Variants in DDX10 observed in about 807,000 individuals in gnomAD.
DDX10 encodes the protein DEAD-box helicase 10.
A neutral mutation model predicts 104.3 loss-of-function variants in DDX10; 74 were observed. That is an observed-to-expected ratio of 0.71 (90% CI 0.59 to 0.86). The LOEUF is 0.86. DDX10 is among the 40% of genes least tolerant of loss of function. DDX10 has a pLI of 0.00. For synonymous variants in DDX10, 351 were observed against 353.4 expected (o/e 0.99, Z 0.08); for missense variants, 952 against 1,040.0 (o/e 0.92, Z 1.16).
intron 13 of DDX10, among the ~76,000 whole-genome samples, chr11:108,796,151 TTC>T (rs764438003): frequency 1.4e-4 from 22 of 152,134 alleles, no homozygotes; most frequent in Non-Finnish European, 2.8e-4. Context: ...TCCGTTGTGA[TTC>T]TCTCTCTCTC....
intron 16 of DDX10, among the ~76,000 whole-genome samples, chr11:108,855,561 G>C (rs191717763): frequency 6.6e-6 from 1 of 152,280 alleles, no homozygotes; most frequent in East Asian, 1.9e-4. Context: ...CCAGGTTCAA[G>C]CGATTCTCCT....
At chr11:108,929,185 A>G (rs534741876) in intron 17 of DDX10, among the ~76,000 whole-genome samples, 1 of 152,322 alleles carries the variant, frequency 6.6e-6, no homozygotes, top group African/African-American at 2.4e-5. Context: ...CCAGCCCCTC[A>G]TAGAGCGTAC....
rs139251778 is a variant in DDX10 at position 108,756,424 on chromosome 11, C to T, written c.1965+32962C>T. Among the ~76,000 whole-genome samples the T allele has an allele frequency of 2.0e-5, 3 of 152,152 alleles. No homozygotes were observed. The East Asian group carries it at 5.8e-4, about 29-fold the overall frequency. On this transcript the variant is annotated intron_variant, in intron 13 of 17. Coordinates refer to ENST00000322536, the MANE Select transcript of DDX10 (RefSeq NM_004398.4). ...TATAGTTGCCTAGAGAATAAGGCCACTGAATAGATCAGAGCTAAATTTAAA... is the reference window on the plus strand; with the variant it reads ...TATAGTTGCCTAGAGAATAAGGCCATTGAATAGATCAGAGCTAAATTTAAA...
At chr11:108,843,733 GC>G (rs1454902208) in intron 15 of DDX10, among the ~76,000 whole-genome samples, 6 of 149,890 alleles carry the variant, frequency 4.0e-5, no homozygotes, top group Admixed American at 4.0e-4. Flanking sequence ...TCCAGCCTGG[GC>G]AACAGGAGTG....
intron 17 of DDX10, among the ~76,000 whole-genome samples, chr11:108,939,781 G>T (rs1237377072): frequency 6.6e-6 from 1 of 152,146 alleles, no homozygotes; most frequent in African/African-American, 2.4e-5. Flanking sequence ...AACATCTCAG[G>T]TTCTATTTTA....
chr11:108,798,272 A>G (rs1861973374), intron 13 of DDX10, among the ~76,000 whole-genome samples: 1 of 152,096 alleles, frequency 6.6e-6, no homozygotes, highest in Non-Finnish European at 1.5e-5. Context: ...AATTTTTCTG[A>G]TCTTTTCTGT....
intron 13 of DDX10, among the ~76,000 whole-genome samples, chr11:108,837,617 T>TC (rs1862573994): frequency 9.1e-6 from 1 of 109,936 alleles, no homozygotes. Context: ...CTTTTTTTTT[T>TC]TTTTTTTTTT....
intron 13 of DDX10, among the ~76,000 whole-genome samples, chr11:108,769,482 A>G (rs1181697431): frequency 1.3e-5 from 2 of 151,720 alleles, no homozygotes; most frequent in African/African-American, 2.4e-5. Context: ...TGTGATGTTG[A>G]TTTATTCTCT....
chr11:108,688,878 G>T, intron 6 of DDX10, 58 bp from the exon 7 acceptor site: 6 of 1,562,442 alleles, frequency 3.8e-6, no homozygotes, highest in Admixed American at 1.8e-5. Context: ...TTTTTGGTCT[G>T]GATTTCAGTT....
At chr11:108,862,364 C>G (rs1488741332) in intron 16 of DDX10, among the ~76,000 whole-genome samples, 1 of 152,072 alleles carries the variant, frequency 6.6e-6, no homozygotes, top group Non-Finnish European at 1.5e-5. Flanking sequence ...GACGAGATCT[C>G]TTTATATGCT....
At chr11:108,695,964 TTAA>T (rs1244251626) in intron 9 of DDX10, among the ~76,000 whole-genome samples, 8 of 152,186 alleles carry the variant, frequency 5.3e-5, no homozygotes, top group Non-Finnish European at 1.2e-4. Context: ...TTAATTGCAA[TTAA>T]TGATGTAGTT....
chr11:108,688,813 G>C, intron 6 of DDX10, 123 bp from the exon 7 acceptor site: 2 of 1,000,962 alleles, frequency 2.0e-6, no homozygotes, highest in South Asian at 3.5e-5. Context: ...TTTTTTTGGT[G>C]TATGTGTGTA....
chr11:108,796,886 G>T (rs1433758840), intron 13 of DDX10, among the ~76,000 whole-genome samples: 1 of 152,160 alleles, frequency 6.6e-6, no homozygotes, highest in African/African-American at 2.4e-5. Flanking sequence ...CTTGCTCTCT[G>T]TTTCGTATGT....
At chr11:108,836,613 A>C (rs1862558810) in intron 13 of DDX10, among the ~76,000 whole-genome samples, 2 of 152,032 alleles carry the variant, frequency 1.3e-5, no homozygotes, top group Non-Finnish European at 2.9e-5. Context: ...CAGCCTCCTG[A>C]GTAGCTGGGA....
At chr11:108,764,567 G>T (rs2094354266) in intron 13 of DDX10, among the ~76,000 whole-genome samples, 1 of 152,160 alleles carries the variant, frequency 6.6e-6, no homozygotes, top group African/African-American at 2.4e-5. Context: ...TATTAGGGAG[G>T]TTGAGGCAGG....
At chr11:108,808,042 C>T (rs1374318631) in intron 13 of DDX10, among the ~76,000 whole-genome samples, 5 of 152,008 alleles carry the variant, frequency 3.3e-5, no homozygotes, top group Non-Finnish European at 7.4e-5. Flanking sequence ...ATGATGTATC[C>T]GCATGTGTGT....
intron 8 of DDX10, among the ~76,000 whole-genome samples, chr11:108,693,132 C>G (rs1344426334): frequency 1.3e-5 from 2 of 152,102 alleles, no homozygotes; most frequent in Non-Finnish European, 2.9e-5. Flanking sequence ...TGAGAACATG[C>G]AGTGTTTGGG....
intron 15 of DDX10, among the ~76,000 whole-genome samples, chr11:108,842,146 G>C (rs930960508): frequency 1.3e-5 from 2 of 151,986 alleles, no homozygotes; most frequent in Non-Finnish European, 2.9e-5. Context: ...TCTTGAACTT[G>C]GCAGTTTTCT....
At chr11:108,880,132 A>G (rs1863207782) in intron 16 of DDX10, among the ~76,000 whole-genome samples, 2 of 152,238 alleles carry the variant, frequency 1.3e-5, no homozygotes, top group South Asian at 4.1e-4. Flanking sequence ...TTTGTAAGCC[A>G]GAAGTCCAAG....
Sources: gnomAD v4.1 joint callset for allele counts (sites outside exome capture counted in the v4.1 genomes callset) on GRCh38, gnomAD v4.1.1 for gene constraint, MANE v1.5 for transcripts, NCBI Gene and HGNC (gene_info 2026-07-23, HGNC 2026-07-21) for gene names.